Variants in KCNQ1OT1 observed in about 807,000 individuals in gnomAD.
The protein encoded by KCNQ1OT1 is KCNQ1 opposite strand/antisense transcript 1.
chr11:2,667,512 G>A, exon 1 of KCNQ1OT1: 1 of 398,112 alleles, frequency 2.5e-6, no homozygotes, highest in Non-Finnish European at 4.4e-6. Context: ...GAGGTGGCTG[G>A]AGGGCAAAGG....
chr11:2,697,594 T>G, exon 1 of KCNQ1OT1: 2 of 398,622 alleles, frequency 5.0e-6, no homozygotes, highest in Non-Finnish European at 4.4e-6. Context: ...CGTTAAACTT[T>G]ATCACATCAT....
chr11:2,638,560 G>T (rs987758230), exon 1 of KCNQ1OT1: 1 of 152,168 alleles, frequency 6.6e-6, no homozygotes, highest in African/African-American at 2.4e-5. Flanking sequence ...AGTCTGATGG[G>T]TTTCCCTTTG....
Position 2,653,240 on chromosome 11 carries a change from C to G in KCNQ1OT1, n.46755G>C. 5.0e-6 allele frequency: 2 copies of G among 398,770 alleles called. No individual in the cohort carries two copies. The highest frequency in any genetic ancestry group is 8.8e-5 in the Admixed American group (2 of 22,746). 24.7% of individuals were successfully genotyped at this position (398,770 alleles called of 1,614,324 possible). On this transcript the variant is annotated non_coding_transcript_exon_variant, in exon 1 of 1. Transcript: ENST00000597346. This position sits in a 1 kb window ranked among gnomAD's most constrained non-coding sequence, Gnocchi z 5.3. ...CCTTGGCCTCAGGCCAGCTTCTTTC[C>G]CACAAGCCTTCTCCCTGCCCTCTGC...
rs956483069 is a variant in KCNQ1OT1, at chr11:2,668,358, T to C, written n.31637A>G. 10 of 398,484 alleles carry C rather than the reference T, an allele frequency of 2.5e-5. No individual in the cohort carries two copies. The highest frequency in any genetic ancestry group is 2.1e-4 in the African/African-American group (10 of 48,618). 24.7% of individuals were successfully genotyped at this position (398,484 alleles called of 1,614,324 possible). ...CTGCAGGGTCCTGGGTGGGCATATG[T>C]TTACTCTTAGTGAATACTACCCAGC... On this transcript the variant is annotated non_coding_transcript_exon_variant, in exon 1 of 1. Transcript: ENST00000597346. This position sits in a 1 kb window ranked among gnomAD's most constrained non-coding sequence, Gnocchi z 4.3.
exon 1 of KCNQ1OT1, chr11:2,680,616 G>GTA (rs1469951734): frequency 4.5e-5 from 18 of 398,308 alleles, no homozygotes; most frequent in African/African-American, 3.5e-4. Context: ...TTGCAAAACT[G>GTA]TAGTACAATA....
rs1849150731 is a variant in KCNQ1OT1, at chr11:2,620,422, G to A, written n.79573C>T. Reference sequence around the variant, plus strand: ...GTAGAGACAGGGTTTTTCCATGTTGGTCAGGCTGGTCTCGAACTCCTGACC... The same window carrying A: ...GTAGAGACAGGGTTTTTCCATGTTGATCAGGCTGGTCTCGAACTCCTGACC... On this transcript the variant is annotated non_coding_transcript_exon_variant, in exon 1 of 1. Transcript: ENST00000597346. This position sits in a 1 kb window ranked among gnomAD's most constrained non-coding sequence, Gnocchi z 4.5. 2 of 250,714 alleles carry A rather than the reference G, an allele frequency of 8.0e-6. No homozygotes were observed. Among genetic ancestry groups the A allele is most frequent in the South Asian group, 1.8e-4 (1 of 5,676 alleles). The allele number at this position is 250,714 out of a possible 1,614,324, so 15.5% of individuals were successfully genotyped here. A position where few individuals can be genotyped will look rare whatever the true frequency, so the allele number is the denominator to read the frequency against.
rs988368021 is a variant in KCNQ1OT1 at position 2,674,414 on chromosome 11, C to G, written n.25581G>C. The G allele has an allele frequency of 2.5e-6, 1 of 397,496 alleles. No individual in the cohort carries two copies. The highest frequency in any genetic ancestry group is 4.4e-6 in the Non-Finnish European group (1 of 225,656). The allele number at this position is 397,496 out of a possible 1,614,324, so 24.6% of individuals were successfully genotyped here. A position where few individuals can be genotyped will look rare whatever the true frequency, so the allele number is the denominator to read the frequency against. On this transcript the variant is annotated non_coding_transcript_exon_variant, in exon 1 of 1. Coordinates refer to ENST00000597346, the Ensembl canonical transcript of KCNQ1OT1. This position sits in a 1 kb window ranked among gnomAD's most constrained non-coding sequence, Gnocchi z 5.9. ...ATGCGTGCGTGTGTGTGTGCGCGCCCGCGCGCACACGACCACAGAGGCTGG... is the reference window on the plus strand; with the variant it reads ...ATGCGTGCGTGTGTGTGTGCGCGCCGGCGCGCACACGACCACAGAGGCTGG...
exon 1 of KCNQ1OT1, chr11:2,641,785 G>A (rs1486669271): frequency 5.0e-6 from 2 of 398,312 alleles, no homozygotes; most frequent in Non-Finnish European, 8.9e-6. Flanking sequence ...TCATGTTTAA[G>A]TCTTTAACCC....
rs1850713666 is a variant in KCNQ1OT1 at position 2,698,366 on chromosome 11, T to C, written n.1629A>G. The C allele has an allele frequency of 5.0e-6, 2 of 398,594 alleles. No homozygotes were observed. The highest frequency in any genetic ancestry group is 7.1e-5 in the East Asian group (2 of 28,082). The allele number at this position is 398,594 out of a possible 1,614,324, so 24.7% of individuals were successfully genotyped here. On this transcript the variant is annotated non_coding_transcript_exon_variant, in exon 1 of 1. Coordinates refer to ENST00000597346, the Ensembl canonical transcript of KCNQ1OT1. This position sits in a 1 kb window ranked among gnomAD's most constrained non-coding sequence, Gnocchi z 5.1. The stretch of plus-strand genomic sequence containing the variant: ...TCTCAATTTTATATAAAAGGCTATT[T>C]GACCTGCTCAGGGACCACAGTGGGG...
Position 2,670,426 on chromosome 11 carries a change from G to C in KCNQ1OT1, n.29569C>G. The C allele has an allele frequency of 7.5e-6, 3 of 398,108 alleles. No homozygotes were observed. The highest frequency in any genetic ancestry group is 1.3e-5 in the Non-Finnish European group (3 of 225,976). The allele number at this position is 398,108 out of a possible 1,614,324, so 24.7% of individuals were successfully genotyped here. On this transcript the variant is annotated non_coding_transcript_exon_variant, in exon 1 of 1. Coordinates refer to ENST00000597346, the Ensembl canonical transcript of KCNQ1OT1. This position sits in a 1 kb window ranked among gnomAD's most constrained non-coding sequence, Gnocchi z 4.9. ...ATGTGTATTTCTTGTGTTGGGGTTA[G>C]GAGATACTGCTGTTGGCTGAGACAC... is the stretch of plus-strand genomic sequence containing the variant.
chr11:2,652,338 C>G lies in KCNQ1OT1; in HGVS notation n.47657G>C. On this transcript the variant is annotated non_coding_transcript_exon_variant, in exon 1 of 1. Transcript: ENST00000597346. The surrounding 1 kb of genome is among the most constrained non-coding windows in gnomAD (Gnocchi z 5.9). Reference sequence around the variant, plus strand: ...TATTGTGTGAAGTTAAGAACTGGCACATTTCCGCGATGTTGTGATGAAGGT... The same window carrying G: ...TATTGTGTGAAGTTAAGAACTGGCAGATTTCCGCGATGTTGTGATGAAGGT... 1 of 398,666 alleles carries G rather than the reference C, an allele frequency of 2.5e-6. No individual in the cohort carries two copies. Among genetic ancestry groups the G allele is most frequent in the Non-Finnish European group, 4.4e-6 (1 of 226,072 alleles). 24.7% of individuals were successfully genotyped at this position (398,666 alleles called of 1,614,324 possible). A position where few individuals can be genotyped will look rare whatever the true frequency, so the allele number is the denominator to read the frequency against.
At chr11:2,660,383 C>G in exon 1 of KCNQ1OT1, 1 of 398,428 alleles carries the variant, frequency 2.5e-6, no homozygotes, top group Non-Finnish European at 4.4e-6. Flanking sequence ...TGTGGGAAAA[C>G]CTTCCTTTTT....
chr11:2,650,120 C>A, exon 1 of KCNQ1OT1: 1 of 398,308 alleles, frequency 2.5e-6, no homozygotes, highest in Non-Finnish European at 4.4e-6. Flanking sequence ...TAATTTATCA[C>A]CTCCAGGATT....
At chr11:2,665,522 A>G (rs994292165) in exon 1 of KCNQ1OT1, 1 of 392,948 alleles carries the variant, frequency 2.5e-6, no homozygotes, top group Non-Finnish European at 4.4e-6. Flanking sequence ...GTAACCTGCC[A>G]TCTAGAATGC....
chr11:2,640,623 G>A, exon 1 of KCNQ1OT1: 1 of 396,098 alleles, frequency 2.5e-6, no homozygotes, highest in Non-Finnish European at 4.4e-6. Flanking sequence ...ATTGTTACAT[G>A]CATCGAATGT....
chr11:2,617,643 T>A lies in KCNQ1OT1; in HGVS notation n.82352A>T. On this transcript the variant is annotated non_coding_transcript_exon_variant, in exon 1 of 1. Transcript: ENST00000597346. The surrounding 1 kb of genome is among the most constrained non-coding windows in gnomAD (Gnocchi z 4.6). ...ATTTCTTTAGGAGCCACCATTCTGT[T>A]TTTCATTATGACTGCACCAATCTAC... 2 of 398,430 alleles carry A rather than the reference T, an allele frequency of 5.0e-6. No homozygotes were observed. The highest frequency in any genetic ancestry group is 3.6e-5 in the East Asian group (1 of 28,050). 24.7% of individuals were successfully genotyped at this position (398,430 alleles called of 1,614,324 possible). A position where few individuals can be genotyped will look rare whatever the true frequency, so the allele number is the denominator to read the frequency against.
At chr11:2,696,751 T>A in exon 1 of KCNQ1OT1, 1 of 398,574 alleles carries the variant, frequency 2.5e-6, no homozygotes, top group Non-Finnish European at 4.4e-6. Flanking sequence ...GTTTTAAAAT[T>A]TTTTCCATAA....
chr11:2,611,925 T>G lies in KCNQ1OT1; in HGVS notation n.88070A>C. 1 of 398,596 alleles carries G rather than the reference T, an allele frequency of 2.5e-6. No individual in the cohort carries two copies. The highest frequency in any genetic ancestry group is 4.4e-6 in the Non-Finnish European group (1 of 226,062). The allele number at this position is 398,596 out of a possible 1,614,324, so 24.7% of individuals were successfully genotyped here. On this transcript the variant is annotated non_coding_transcript_exon_variant, in exon 1 of 1. Transcript: ENST00000597346. The surrounding 1 kb of genome is among the most constrained non-coding windows in gnomAD (Gnocchi z 5.3). ...ATAAGCAGCTTAAGCAAAAACAATC[T>G]GCTTCAGGTTAATAATCTACTCAAA...
At chr11:2,694,793 G>A (rs1850647602) in exon 1 of KCNQ1OT1, 1 of 398,528 alleles carries the variant, frequency 2.5e-6, no homozygotes, top group Admixed American at 4.4e-5. Flanking sequence ...AGACTCGAAA[G>A]GTAGTCGTCA....
Sources: allele counts gnomAD v4.1 joint callset, GRCh38; gene constraint gnomAD v4.1.1; non-coding constraint Gnocchi (gnomAD v3.1); transcripts MANE v1.5; gene names NCBI Gene and HGNC (gene_info 2026-07-23, HGNC 2026-07-21).